RALYL: variants seen among roughly 807,000 people sequenced by gnomAD.
RALYL encodes the protein RNA-binding Raly-like protein.
A neutral mutation model predicts 35.1 loss-of-function variants in RALYL; 29 were observed. The ratio of observed to expected loss-of-function variants is 0.83; its 90% confidence interval spans 0.61 to 1.13. The LOEUF (loss-of-function observed/expected upper bound fraction) is 1.13. Among genes scored for constraint, RALYL ranks in the 50% most tolerant of loss-of-function variants. The pLI is 0.00. For synonymous variants in RALYL, 120 were observed against 127.6 expected (o/e 0.94, Z 0.40); for missense variants, 359 against 360.4 (o/e 1.00, Z 0.03).
chr8:84,903,953 G>A (rs1846088516), intron 8 of RALYL, among the ~76,000 whole-genome samples: 1 of 152,106 alleles, frequency 6.6e-6, no homozygotes, highest in African/African-American at 2.4e-5. Context: ...AATGATTACT[G>A]TACTCAGGCA....
At chr8:84,771,625 T>C (rs1815552102) in intron 2 of RALYL, among the ~76,000 whole-genome samples, 1 of 152,136 alleles carries the variant, frequency 6.6e-6, no homozygotes, top group African/African-American at 2.4e-5. Context: ...AACTTGCATT[T>C]CCCACTACTA....
At chr8:84,706,821 C>A (rs1185388630) in intron 2 of RALYL, among the ~76,000 whole-genome samples, 1 of 152,112 alleles carries the variant, frequency 6.6e-6, no homozygotes, top group Non-Finnish European at 1.5e-5. Context: ...TTTACAATCA[C>A]CTCTCTCTAG....
intron 1 of RALYL, among the ~76,000 whole-genome samples, chr8:84,476,267 A>G (rs1394866233): frequency 1.3e-5 from 2 of 152,204 alleles, no homozygotes; most frequent in African/African-American, 4.8e-5. Flanking sequence ...CATTATATCT[A>G]TATCAAGGGA....
chr8:84,268,758 C>G (rs1230230590), intron 1 of RALYL, among the ~76,000 whole-genome samples: 1 of 152,084 alleles, frequency 6.6e-6, no homozygotes, highest in Non-Finnish European at 1.5e-5. Flanking sequence ...TAATAGCTGC[C>G]ATGTGCTGTA....
chr8:84,829,767 C>T (rs756319376), intron 4 of RALYL, among the ~76,000 whole-genome samples: 1 of 152,072 alleles, frequency 6.6e-6, no homozygotes, highest in African/African-American at 2.4e-5. Context: ...TTGCTCCTAG[C>T]GGAAATAGAG....
chr8:84,752,287 G>A (rs904574292), intron 2 of RALYL, among the ~76,000 whole-genome samples: 1 of 152,162 alleles, frequency 6.6e-6, no homozygotes, highest in Middle Eastern at 3.2e-3. Context: ...AAAATTCTAA[G>A]CCACAAAGCA....
intron 6 of RALYL, among the ~76,000 whole-genome samples, chr8:84,864,401 A>G (rs1838740317): frequency 6.6e-6 from 1 of 152,230 alleles, no homozygotes; most frequent in Admixed American, 6.5e-5. Context: ...AGGTAGAAAT[A>G]TAAATTATGG....
intron 2 of RALYL, among the ~76,000 whole-genome samples, chr8:84,689,062 CT>C (rs1406116817): frequency 4.0e-5 from 6 of 151,582 alleles, no homozygotes; most frequent in South Asian, 2.1e-4. Flanking sequence ...ATTGGAATGA[CT>C]TTTTTTCTTT....
chr8:84,535,924 C>A (rs2059578041), intron 2 of RALYL, among the ~76,000 whole-genome samples: 1 of 152,058 alleles, frequency 6.6e-6, no homozygotes, highest in Admixed American at 6.5e-5. Flanking sequence ...AAAATAAACT[C>A]CATTAATTTT....
intron 2 of RALYL, among the ~76,000 whole-genome samples, chr8:84,693,105 A>G (rs756629137): frequency 1.3e-5 from 2 of 152,022 alleles, no homozygotes; most frequent in Non-Finnish European, 2.9e-5. Context: ...TGTTAAAGCA[A>G]CAATAGAAAA....
At chr8:84,861,371 A>G (rs1034351194) in intron 5 of RALYL, among the ~76,000 whole-genome samples, 1 of 152,200 alleles carries the variant, frequency 6.6e-6, no homozygotes, top group African/African-American at 2.4e-5. Context: ...ATGTGGATGC[A>G]GTACAAATAA....
intron 2 of RALYL, among the ~76,000 whole-genome samples, chr8:84,727,092 A>G (rs1397541614): frequency 6.6e-6 from 1 of 152,106 alleles, no homozygotes; most frequent in East Asian, 1.9e-4. Context: ...TTAAGCACCA[A>G]ATTCCCCTTG....
rs534425925 is a variant in RALYL, at chr8:84,202,075, A to G, written c.-24+17651A>G. Among the ~76,000 whole-genome samples, 18 of 151,156 alleles carry G rather than the reference A, an allele frequency of 1.2e-4. No individual in the cohort carries two copies. In the South Asian group the frequency reaches 3.8e-3, roughly 32 times the overall value. On this transcript the variant is annotated intron_variant, in intron 1 of 8. Transcript: ENST00000521268. The stretch of plus-strand genomic sequence containing the variant: ...GAATATTTTAGTTGGTTCTTTTTTC[A>G]CTTTCTTTTCATTGCTATTTTGAAT...
intron 2 of RALYL, among the ~76,000 whole-genome samples, chr8:84,728,057 C>G (rs952703014): frequency 6.6e-6 from 1 of 151,688 alleles, no homozygotes; most frequent in African/African-American, 2.4e-5. Context: ...ACACTGACTT[C>G]CACAAGGGTT....
intron 8 of RALYL, among the ~76,000 whole-genome samples, chr8:84,894,603 T>C (rs193122440): frequency 2.0e-5 from 3 of 152,206 alleles, no homozygotes; most frequent in African/African-American, 7.2e-5. Context: ...CCTGCATGGG[T>C]CATGCATGTC....
At chr8:84,244,801 A>T (rs1356239207) in intron 1 of RALYL, among the ~76,000 whole-genome samples, 1 of 152,188 alleles carries the variant, frequency 6.6e-6, no homozygotes, top group Non-Finnish European at 1.5e-5. Context: ...GGTTTCCTTC[A>T]CTTATATCTG....
At chr8:84,509,649 C>G (rs2134383369) in intron 1 of RALYL, among the ~76,000 whole-genome samples, 1 of 152,140 alleles carries the variant, frequency 6.6e-6, no homozygotes, top group East Asian at 1.9e-4. Flanking sequence ...CTATAGTTTT[C>G]CATTTCACAT....
At chr8:84,412,791 G>A (rs185456134) in intron 1 of RALYL, among the ~76,000 whole-genome samples, 8 of 152,050 alleles carry the variant, frequency 5.3e-5, no homozygotes, top group South Asian at 4.1e-4. Context: ...AGGTAACTAC[G>A]ATCCTCTAAC....
chr8:84,819,534 T>C (rs1828046079), intron 4 of RALYL, among the ~76,000 whole-genome samples: 2 of 152,216 alleles, frequency 1.3e-5, no homozygotes, highest in Admixed American at 1.3e-4. Flanking sequence ...GGCTCCTGTA[T>C]GCATTTTTAA....
Sources: allele counts gnomAD v4.1 joint callset (sites outside exome capture counted in the v4.1 genomes callset), GRCh38; gene constraint gnomAD v4.1.1; transcripts MANE v1.5; gene names NCBI Gene and HGNC (gene_info 2026-07-23, HGNC 2026-07-21).